The following KCNH7 variants were observed in gnomAD, a reference collection of about 807,000 sequenced individuals.
KCNH7 encodes the protein potassium voltage-gated channel subfamily H member 7.
In KCNH7, 49 loss-of-function variants were observed where a neutral mutation model predicts 120.8. That is an observed-to-expected ratio of 0.41 (90% CI 0.32 to 0.51). The LOEUF is 0.51. Among genes scored for constraint, KCNH7 ranks in the 20% least tolerant of loss-of-function variants. The pLI is 0.38. For missense variants in KCNH7, 1,097 were observed against 1,446.6 expected, an observed-to-expected ratio of 0.76 and a Z score of 3.92; for synonymous variants, 547 against 516.1, an observed-to-expected ratio of 1.06 and a Z score of -0.81.
chr2:162,377,497 T>C (rs1686247360), intron 14 of KCNH7, among the ~76,000 whole-genome samples: 1 of 152,172 alleles, frequency 6.6e-6, no homozygotes. Flanking sequence ...GACTACATAA[T>C]TGTTTTGAAA....
intron 6 of KCNH7, among the ~76,000 whole-genome samples, chr2:162,447,632 C>T (rs942542436): frequency 6.6e-6 from 1 of 152,118 alleles, no homozygotes. Context: ...AGCTTTGCAG[C>T]ATGGATCTCA....
At chr2:162,723,767 A>G (rs62171387) in intron 2 of KCNH7, among the ~76,000 whole-genome samples, 1,583 of 152,338 alleles carry the variant, frequency 0.01, 12 homozygotes, top group Non-Finnish European at 0.015. Flanking sequence ...TTTTCAAAGA[A>G]TATCTTGTTA....
chr2:162,506,505 C>T (rs185195580), intron 5 of KCNH7, among the ~76,000 whole-genome samples: 1 of 151,872 alleles, frequency 6.6e-6, no homozygotes, highest in Admixed American at 6.6e-5. Context: ...GTCCTATTTT[C>T]AATCCTTAGG....
At chr2:162,603,541 T>C (rs1490320793) in intron 2 of KCNH7, among the ~76,000 whole-genome samples, 1 of 152,018 alleles carries the variant, frequency 6.6e-6, no homozygotes, top group East Asian at 1.9e-4. Context: ...AACAGAACAG[T>C]TTCTAAAAAA....
intron 2 of KCNH7, among the ~76,000 whole-genome samples, chr2:162,828,810 C>T (rs1685378207): frequency 6.6e-6 from 1 of 152,138 alleles, no homozygotes; most frequent in South Asian, 2.1e-4. Context: ...TACCCACAGT[C>T]CTCTCTCACT....
At chr2:162,711,622 C>CAT (rs1686932284) in intron 2 of KCNH7, among the ~76,000 whole-genome samples, 4 of 152,096 alleles carry the variant, frequency 2.6e-5, no homozygotes, top group African/African-American at 9.7e-5. Flanking sequence ...GGACGTTTTC[C>CAT]TAATGCCCAC....
chr2:162,690,699 C>A (rs1024640139), intron 2 of KCNH7, among the ~76,000 whole-genome samples: 13 of 149,088 alleles, frequency 8.7e-5, no homozygotes, highest in Non-Finnish European at 1.6e-4. Context: ...TTTATACAAC[C>A]CAACAAGGAC....
chr2:162,577,281 A>AAATC (rs1693701586), intron 2 of KCNH7, among the ~76,000 whole-genome samples: 1 of 125,844 alleles, frequency 7.9e-6, no homozygotes, highest in African/African-American at 3.3e-5. Context: ...ATTAACAGAT[A>AAATC]GATCTATCTG....
chr2:162,702,637 T>C (rs1212519803), intron 2 of KCNH7, among the ~76,000 whole-genome samples: 1 of 152,106 alleles, frequency 6.6e-6, no homozygotes, highest in Non-Finnish European at 1.5e-5. Flanking sequence ...GAAAAAGAAG[T>C]CAAATTCACA....
At chr2:162,792,773 G>C (rs1177279920) in intron 2 of KCNH7, among the ~76,000 whole-genome samples, 2 of 3,268 alleles carry the variant, frequency 6.1e-4, no homozygotes, top group Non-Finnish European at 3.9e-3. Flanking sequence ...GTGTGTGTGT[G>C]TGTGTGTGTG....
chr2:162,497,547 G>C (rs1690536117), intron 6 of KCNH7, among the ~76,000 whole-genome samples: 1 of 152,118 alleles, frequency 6.6e-6, no homozygotes, highest in Admixed American at 6.6e-5. Flanking sequence ...AACTGCCACA[G>C]TAACTCCTGA....
chr2:162,725,978 G>A (rs946207455), intron 2 of KCNH7, among the ~76,000 whole-genome samples: 2 of 152,170 alleles, frequency 1.3e-5, no homozygotes, highest in African/African-American at 2.4e-5. Context: ...GCACAGTCAC[G>A]ATTTTATTAT....
At chr2:162,674,413 C>T (rs1685466557) in intron 2 of KCNH7, among the ~76,000 whole-genome samples, 1 of 151,708 alleles carries the variant, frequency 6.6e-6, no homozygotes, top group South Asian at 2.1e-4. Context: ...CTTCATTATG[C>T]TACTTCTTCC....
At chr2:162,509,855 T>C (rs1691007921) in intron 5 of KCNH7, among the ~76,000 whole-genome samples, 1 of 151,626 alleles carries the variant, frequency 6.6e-6, no homozygotes, top group Admixed American at 6.6e-5. Context: ...ATTCATAGAC[T>C]AATTGGAAAT....
chr2:162,648,004 A>G (rs957971659), intron 2 of KCNH7, among the ~76,000 whole-genome samples: 2 of 152,188 alleles, frequency 1.3e-5, no homozygotes, highest in African/African-American at 4.8e-5. Flanking sequence ...ATTCTGCATA[A>G]TATTGGTTCA....
intron 15 of KCNH7, among the ~76,000 whole-genome samples, chr2:162,373,134 G>C (rs937650600): frequency 6.6e-6 from 1 of 152,092 alleles, no homozygotes; most frequent in Non-Finnish European, 1.5e-5. Context: ...GCCCTTTTAA[G>C]AGCCAGGAAG....
chr2:162,473,449 A>G (rs1303509035), intron 6 of KCNH7, among the ~76,000 whole-genome samples: 1 of 152,152 alleles, frequency 6.6e-6, no homozygotes, highest in Non-Finnish European at 1.5e-5. Flanking sequence ...TTTGATCTTA[A>G]CAACTTGTTT....
At chr2:162,537,682 A>G (rs1692154942) in intron 2 of KCNH7, among the ~76,000 whole-genome samples, 1 of 152,094 alleles carries the variant, frequency 6.6e-6, no homozygotes, top group African/African-American at 2.4e-5. Context: ...AGTTTTGTCT[A>G]TATTATTGTG....
intron 6 of KCNH7, among the ~76,000 whole-genome samples, chr2:162,464,550 T>C (rs186326561): frequency 3.0e-4 from 45 of 152,148 alleles, no homozygotes; most frequent in African/African-American, 7.5e-4. Context: ...AATATAACTA[T>C]ATCCATGTCC....
Sources: gnomAD v4.1 joint callset for allele counts (sites outside exome capture counted in the v4.1 genomes callset) on GRCh38, gnomAD v4.1.1 for gene constraint, MANE v1.5 for transcripts, NCBI Gene and HGNC (gene_info 2026-07-23, HGNC 2026-07-21) for gene names.